GFRA1: variants seen among roughly 807,000 people sequenced by gnomAD.
The protein encoded by GFRA1 is GDNF family receptor alpha-1.
In GFRA1, 16 loss-of-function variants were observed where a neutral mutation model predicts 51.6. The observed-to-expected ratio is 0.31, with a 90% CI of 0.21 to 0.47. The LOEUF (loss-of-function observed/expected upper bound fraction) is 0.47, where lower values mean the gene tolerates loss of function less well. Among genes scored for constraint, GFRA1 ranks in the 20% least tolerant of loss-of-function variants. The pLI is 1.00. For synonymous variants in GFRA1, 270 were observed against 241.3 expected (o/e 1.12, Z -1.10); for missense variants, 530 against 594.3 (o/e 0.89, Z 1.13).
chr10:116,067,940 C>T (rs1589760300), intron 9 of GFRA1, among the ~76,000 whole-genome samples: 1 of 152,298 alleles, frequency 6.6e-6, no homozygotes, highest in Non-Finnish European at 1.5e-5. Flanking sequence ...TCCCCCAAAG[C>T]GGGTATCCCA....
chr10:116,187,583 CAT>C (rs1962847036), intron 5 of GFRA1, among the ~76,000 whole-genome samples: 1 of 152,162 alleles, frequency 6.6e-6, no homozygotes, highest in Admixed American at 6.5e-5. Context: ...ACCCAAAAGC[CAT>C]TTTATCTGGC....
intron 5 of GFRA1, among the ~76,000 whole-genome samples, chr10:116,174,829 A>C (rs1287708830): frequency 1.3e-5 from 2 of 152,146 alleles, no homozygotes; most frequent in Admixed American, 1.3e-4. Flanking sequence ...TTAAAACATG[A>C]TTTTTCTCTC....
chr10:116,221,138 C>A (rs1321035298), intron 4 of GFRA1, among the ~76,000 whole-genome samples: 3 of 152,110 alleles, frequency 2.0e-5, no homozygotes, highest in Non-Finnish European at 4.4e-5. Context: ...ACATAGACTG[C>A]CTGAATCCTC....
At chr10:116,144,009 AT>A (rs1350514494) in intron 5 of GFRA1, among the ~76,000 whole-genome samples, 1 of 152,120 alleles carries the variant, frequency 6.6e-6, no homozygotes, top group East Asian at 1.9e-4. Context: ...TGATGCTTAA[AT>A]TTTTTTGAGC....
intron 5 of GFRA1, among the ~76,000 whole-genome samples, chr10:116,201,687 G>A (rs1033492826): frequency 2.6e-5 from 4 of 152,256 alleles, no homozygotes; most frequent in Non-Finnish European, 5.9e-5. Context: ...TGGGTCTCCA[G>A]TGAAACCGTT....
chr10:116,197,485 GTA>G (rs1028478441), intron 5 of GFRA1, among the ~76,000 whole-genome samples: 1 of 152,124 alleles, frequency 6.6e-6, no homozygotes, highest in Non-Finnish European at 1.5e-5. Flanking sequence ...TATTGTTTAT[GTA>G]TATATATGTG....
intron 5 of GFRA1, among the ~76,000 whole-genome samples, chr10:116,189,887 C>T (rs1005162746): frequency 6.6e-6 from 1 of 151,622 alleles, no homozygotes; most frequent in Non-Finnish European, 1.5e-5. Flanking sequence ...TGCATTAGGC[C>T]AGGGTTTTTT....
At chr10:116,090,004 A>G in intron 8 of GFRA1, 82 bp from the exon 9 acceptor site, 1 of 1,277,208 alleles carries the variant, frequency 7.8e-7, no homozygotes, top group East Asian at 2.5e-5. Context: ...AGAGAGGCAC[A>G]CTAGAAATTC....
Position 116,093,782 on chromosome 10 carries a change from C to A in GFRA1, c.935G>T (p.Trp312Leu). 6.2e-7 allele frequency: 1 copy of A among 1,613,800 alleles called. No individual in the cohort carries two copies. The highest frequency in any genetic ancestry group is 8.5e-7 in the Non-Finnish European group (1 of 1,179,672). ...GTTCCCACTGTTGCTGCAGTCACAC[C>A]ATGGGGCCACACTGAGGCTACTGGA... is the stretch of plus-strand genomic sequence containing the variant. ...IDSSSLSVAP[W>L]CDCSNSGNDL... The change falls in exon 8 of 11, where the codon TGG becomes TTG. Residue 312 changes from tryptophan to leucine, a missense_variant. Coordinates refer to ENST00000355422, the MANE Select transcript of GFRA1 (RefSeq NM_005264.8).
intron 5 of GFRA1, among the ~76,000 whole-genome samples, chr10:116,195,928 C>T (rs1228256198): frequency 6.6e-6 from 1 of 152,122 alleles, no homozygotes; most frequent in Non-Finnish European, 1.5e-5. Flanking sequence ...GAGATGAAGA[C>T]AACAAATCCT....
rs538508325 is a variant in GFRA1 at position 116,084,870 on chromosome 10, G to A, written c.1197+4871C>T. On this transcript the variant is annotated intron_variant, in intron 9 of 10. Coordinates refer to ENST00000355422, the MANE Select transcript of GFRA1 (RefSeq NM_005264.8). ...CAGCTACCAGACCACTCCAGTGCACGGAAGATGAAGTAATTGATAGGATTA... is the reference window on the plus strand; with the variant it reads ...CAGCTACCAGACCACTCCAGTGCACAGAAGATGAAGTAATTGATAGGATTA... 2.6e-5 allele frequency among the ~76,000 whole-genome samples: 4 copies of A among 151,556 alleles called. No individual in the cohort carries two copies. In the East Asian group the frequency reaches 5.8e-4, roughly 22 times the overall value.
intron 5 of GFRA1, among the ~76,000 whole-genome samples, chr10:116,140,566 A>C (rs981381159): frequency 6.6e-6 from 1 of 152,244 alleles, no homozygotes; most frequent in Non-Finnish European, 1.5e-5. Context: ...ATTAGGAAAG[A>C]CAGGTGAAAT....
intron 4 of GFRA1, among the ~76,000 whole-genome samples, chr10:116,248,026 C>T (rs767508974): frequency 3.9e-5 from 6 of 152,140 alleles, no homozygotes; most frequent in Admixed American, 6.5e-5. Context: ...TTGGTTCATT[C>T]TGGGTGGTGG....
intron 5 of GFRA1, among the ~76,000 whole-genome samples, chr10:116,186,761 T>G (rs1028761942): frequency 5.3e-5 from 8 of 152,058 alleles, no homozygotes; most frequent in South Asian, 2.1e-4. Context: ...ATAAAAGAAA[T>G]AAGATTCTCT....
At chr10:116,273,772 C>T (rs1282020513), upstream of GFRA1, among the ~76,000 whole-genome samples, 2 of 152,150 alleles carry the variant, frequency 1.3e-5, no homozygotes, top group Non-Finnish European at 2.9e-5. Context: ...GAGCCAGACC[C>T]TTCTTCGGAA....
chr10:116,097,743 G>T (rs1055383558), intron 6 of GFRA1, among the ~76,000 whole-genome samples: 22 of 152,310 alleles, frequency 1.4e-4, no homozygotes, highest in Admixed American at 2.0e-4. Context: ...GACAATGGGA[G>T]GCTGTCTCAG....
chr10:116,118,911 G>C (rs1361967176), intron 6 of GFRA1, among the ~76,000 whole-genome samples: 1 of 152,166 alleles, frequency 6.6e-6, no homozygotes, highest in Non-Finnish European at 1.5e-5. Flanking sequence ...AGAACAGGGA[G>C]TAAAACTAGA....
At chr10:116,087,697 T>G (rs1055635284) in intron 9 of GFRA1, among the ~76,000 whole-genome samples, 1 of 152,142 alleles carries the variant, frequency 6.6e-6, no homozygotes, top group Non-Finnish European at 1.5e-5. Context: ...CCACTTGTCT[T>G]TACCGACACC....
At chr10:116,116,089 T>C (rs1296207413) in intron 6 of GFRA1, among the ~76,000 whole-genome samples, 1 of 151,002 alleles carries the variant, frequency 6.6e-6, no homozygotes, top group East Asian at 2.0e-4. Context: ...CACTGTACTC[T>C]CTCTCTCTCT....
Sources: gnomAD v4.1 joint callset for allele counts (sites outside exome capture counted in the v4.1 genomes callset) on GRCh38, gnomAD v4.1.1 for gene constraint, MANE v1.5 for transcripts, NCBI Gene and HGNC (gene_info 2026-07-23, HGNC 2026-07-21) for gene names.